The following NSMCE2 variants were observed in gnomAD, a reference collection of about 807,000 sequenced individuals.
NSMCE2 encodes NSE2 SUMO ligase component of SMC5/6 complex, also known as E3 SUMO-protein ligase NSE2.
A neutral mutation model predicts 23.8 loss-of-function variants in NSMCE2; 24 were observed. That is an observed-to-expected ratio of 1.01 (90% CI 0.73 to 1.42). NSMCE2 has a LOEUF of 1.42. Ranked by LOEUF, NSMCE2 falls within the 40% of genes most tolerant of loss-of-function variation. The probability of loss-of-function intolerance (pLI) is 0.00; values close to 1 mark genes in which losing one functional copy is unlikely to be tolerated. For missense variants in NSMCE2, 284 were observed against 296.5 expected, an observed-to-expected ratio of 0.96 and a Z score of 0.31; for synonymous variants, 92 against 94.1, an observed-to-expected ratio of 0.98 and a Z score of 0.13.
intron 5 of NSMCE2, among the ~76,000 whole-genome samples, chr8:125,263,794 A>G (rs1484421079): frequency 6.6e-6 from 1 of 151,784 alleles, no homozygotes; most frequent in East Asian, 1.9e-4. Flanking sequence ...ATGACCTAGA[A>G]TAAATTTAAT....
chr8:125,203,743 T>A (rs554190394), intron 5 of NSMCE2, among the ~76,000 whole-genome samples: 2 of 152,124 alleles, frequency 1.3e-5, no homozygotes, highest in Non-Finnish European at 2.9e-5. Flanking sequence ...CTCTTGAGAT[T>A]ACAAGGTCCT....
At position 125,320,291 on chromosome 8, in the gene NSMCE2, AGGAAGGAAGGAAGGAAGGGAAG is replaced by A. The variant is rs1563782813; in HGVS notation, c.419-36917_419-36896del. Among the ~76,000 whole-genome samples, 110 of 99,670 alleles carry A rather than the reference AGGAAGGAAGGAAGGAAGGGAAG, an allele frequency of 1.1e-3. 1 individual carries two copies. Among genetic ancestry groups the A allele is most frequent in the East Asian group, 6.4e-3 (19 of 2,984 alleles). 65.4% of individuals were successfully genotyped at this position (99,670 alleles called of 152,430 possible). A position where few individuals can be genotyped will look rare whatever the true frequency, so the allele number is the denominator to read the frequency against. On this transcript the variant is annotated intron_variant, in intron 5 of 7. Coordinates refer to ENST00000287437, the MANE Select transcript of NSMCE2 (RefSeq NM_173685.4). ...AAGGAAGGAAGGAAGGAAGGAAGGA[AGGAAGGAAGGAAGGAAGGGAAG>A]GGAAGGAAGGGAAGGAAGGCAGGCT... is the stretch of plus-strand genomic sequence containing the variant.
chr8:125,149,947 G>A (rs1390110729), intron 3 of NSMCE2, among the ~76,000 whole-genome samples: 12 of 152,048 alleles, frequency 7.9e-5, no homozygotes, highest in Admixed American at 7.9e-4. Context: ...TAGATTAAGA[G>A]TGCCTTCTCC....
intron 4 of NSMCE2, among the ~76,000 whole-genome samples, chr8:125,152,532 C>T (rs1257044508): frequency 6.6e-6 from 1 of 152,138 alleles, no homozygotes; most frequent in Admixed American, 6.5e-5. Context: ...TGTTTACTGC[C>T]AAAGATTAGA....
chr8:125,304,568 G>T (rs954667818), intron 5 of NSMCE2, among the ~76,000 whole-genome samples: 2 of 152,050 alleles, frequency 1.3e-5, no homozygotes, highest in Non-Finnish European at 2.9e-5. Context: ...TTTAAAAGTA[G>T]AATTGAGGCT....
intron 3 of NSMCE2, among the ~76,000 whole-genome samples, chr8:125,145,468 G>A (rs974036769): frequency 1.3e-5 from 2 of 152,206 alleles, no homozygotes; most frequent in African/African-American, 4.8e-5. Context: ...AGGTCTCACA[G>A]AGTCACCAAG....
At position 125,195,860 on chromosome 8, in the gene NSMCE2, C is replaced by T. The variant is rs553535133; in HGVS notation, c.418+13604C>T. On this transcript the variant is annotated intron_variant, in intron 5 of 7. Coordinates refer to ENST00000287437, the MANE Select transcript of NSMCE2 (RefSeq NM_173685.4). The stretch of plus-strand genomic sequence containing the variant: ...TTGTTAAAGTTTATGTTAGTCATTA[C>T]ATTCTTTTTCCTGAATAACTTTTTT... Among the ~76,000 whole-genome samples the T allele has an allele frequency of 2.1e-5, 3 of 143,096 alleles. No homozygotes were observed. In the East Asian group the frequency reaches 6.5e-4, roughly 31 times the overall value. 93.9% of individuals were successfully genotyped at this position (143,096 alleles called of 152,430 possible). A position where few individuals can be genotyped will look rare whatever the true frequency, so the allele number is the denominator to read the frequency against.
intron 5 of NSMCE2, among the ~76,000 whole-genome samples, chr8:125,202,485 A>G (rs1823929524): frequency 6.6e-6 from 1 of 152,272 alleles, no homozygotes; most frequent in Non-Finnish European, 1.5e-5. Context: ...AAGTTCAGAT[A>G]GTGGCACAAC....
At chr8:125,295,973 G>C (rs1828308017) in intron 5 of NSMCE2, among the ~76,000 whole-genome samples, 1 of 151,924 alleles carries the variant, frequency 6.6e-6, no homozygotes, top group Non-Finnish European at 1.5e-5. Context: ...TATTAAACAA[G>C]AAATAACTAA....
chr8:125,226,220 CTAAA>C (rs1450984611), intron 5 of NSMCE2, among the ~76,000 whole-genome samples: 7 of 152,156 alleles, frequency 4.6e-5, no homozygotes, highest in African/African-American at 1.7e-4. Context: ...ATGACTTTAA[CTAAA>C]TATTCTCATG....
chr8:125,279,660 G>A (rs1160696590), intron 5 of NSMCE2, among the ~76,000 whole-genome samples: 1 of 152,128 alleles, frequency 6.6e-6, no homozygotes, highest in Non-Finnish European at 1.5e-5. Flanking sequence ...TTTTGAATCC[G>A]AGTTGAATCA....
chr8:125,093,574 T>C (rs1817782663), intron 1 of NSMCE2, among the ~76,000 whole-genome samples: 1 of 151,692 alleles, frequency 6.6e-6, no homozygotes, highest in African/African-American at 2.4e-5. Context: ...ATAAATAACA[T>C]AATTGGTGTG....
chr8:125,177,012 A>C (rs141038783), intron 4 of NSMCE2, among the ~76,000 whole-genome samples: 5 of 152,132 alleles, frequency 3.3e-5, no homozygotes, highest in Non-Finnish European at 7.4e-5. Context: ...AGACTTCTCT[A>C]TTTTTTGCCC....
At chr8:125,118,047 A>G (rs974292781) in intron 3 of NSMCE2, among the ~76,000 whole-genome samples, 5 of 152,140 alleles carry the variant, frequency 3.3e-5, no homozygotes, top group African/African-American at 9.7e-5. Flanking sequence ...CATCAGCATC[A>G]CTTTAGAGAG....
chr8:125,131,842 T>G (rs1450428688), intron 3 of NSMCE2, among the ~76,000 whole-genome samples: 3 of 152,170 alleles, frequency 2.0e-5, no homozygotes, highest in African/African-American at 7.2e-5. Flanking sequence ...CTTTGAATGG[T>G]GAGGTGCCTT....
At chr8:125,116,384 AAG>A (rs1032581463) in intron 3 of NSMCE2, among the ~76,000 whole-genome samples, 1 of 152,206 alleles carries the variant, frequency 6.6e-6, no homozygotes, top group African/African-American at 2.4e-5. Flanking sequence ...AATGAGATCA[AAG>A]ATTTTCTTCC....
chr8:125,095,640 A>T (rs1033206317), intron 1 of NSMCE2, among the ~76,000 whole-genome samples: 1 of 151,936 alleles, frequency 6.6e-6, no homozygotes, highest in East Asian at 1.9e-4. Context: ...CACGCCTGTA[A>T]TCCTAGCACT....
chr8:125,271,786 A>G lies in NSMCE2; in HGVS notation c.419-85433A>G, dbSNP rs571220303. On this transcript the variant is annotated intron_variant, in intron 5 of 7. Transcript: ENST00000287437. ...CACTCATGCTTTTTAATGACTCTGTAATCATGTGTATGTTTTATGTTTCAC... is the reference window on the plus strand; with the variant it reads ...CACTCATGCTTTTTAATGACTCTGTGATCATGTGTATGTTTTATGTTTCAC... 8.5e-5 allele frequency among the ~76,000 whole-genome samples: 13 copies of G among 152,298 alleles called. No homozygotes were observed. The East Asian group carries it at 2.3e-3, about 27-fold the overall frequency.
At chr8:125,287,679 C>G (rs534608748) in intron 5 of NSMCE2, among the ~76,000 whole-genome samples, 1 of 152,092 alleles carries the variant, frequency 6.6e-6, no homozygotes, top group Non-Finnish European at 1.5e-5. Flanking sequence ...GAGATTGTCC[C>G]GTGTCTAGCT....
Sources: gnomAD v4.1 joint callset for allele counts (sites outside exome capture counted in the v4.1 genomes callset) on GRCh38, gnomAD v4.1.1 for gene constraint, MANE v1.5 for transcripts, NCBI Gene and HGNC (gene_info 2026-07-23, HGNC 2026-07-21) for gene names.